FZD4: variants seen among roughly 807,000 people sequenced by gnomAD.
FZD4 encodes the protein frizzled class receptor 4, also known as frizzled-4.
FZD4 carries 16 observed loss-of-function variants against 37.3 expected under a neutral mutation model. The ratio of observed to expected loss-of-function variants is 0.43; its 90% CI spans 0.29 to 0.65. The LOEUF is 0.65. Among genes scored for constraint, FZD4 ranks in the 30% least tolerant of loss-of-function variants. The pLI is 0.16. For missense variants in FZD4, 599 were observed against 674.3 expected, an observed-to-expected ratio of 0.89 and a Z score of 1.24; for synonymous variants, 246 against 254.8, an observed-to-expected ratio of 0.97 and a Z score of 0.33.
chr11:86,954,969 G>T lies in FZD4; in HGVS notation c.117C>A (p.Asp39Glu). ...TGGGGTCGCAGCGCCGCTCTTCCTC[G>T]TCCCCGAAGCCCCGCGCCGGCCCCA... is the stretch of plus-strand genomic sequence containing the variant. ...LLLGPARGFG[D>E]EEERRCDPIR... The change falls in exon 1 of 2, where the codon GAC (aspartate) becomes GAA (glutamate). Residue 39 changes from aspartate to glutamate, a missense_variant. Coordinates refer to ENST00000531380, the MANE Select transcript of FZD4 (RefSeq NM_012193.4). 2 of 1,613,398 alleles carry T rather than the reference G, an allele frequency of 1.2e-6. No individual in the cohort carries two copies. Among genetic ancestry groups the T allele is most frequent in the South Asian group, 1.1e-5 (1 of 91,078 alleles).
chr11:86,952,624 A>G, intron 1 of FZD4, 154 bp from the exon 2 acceptor site: 1 of 728,000 alleles, frequency 1.4e-6, no homozygotes, highest in Non-Finnish European at 2.3e-6. Flanking sequence ...CTCTGACCTC[A>G]AACAAGGGCG....
chr11:86,950,006 T>C lies in FZD4; in HGVS notation c.*1136A>G, dbSNP rs1949276253. The C allele has an allele frequency of 6.6e-6, 1 of 152,266 alleles. No individual in the cohort carries two copies. Among genetic ancestry groups the C allele is most frequent in the Non-Finnish European group, 1.5e-5 (1 of 68,036 alleles). The allele number at this position is 152,266 out of a possible 1,614,324, so 9.4% of individuals were successfully genotyped here. A position where few individuals can be genotyped will look rare whatever the true frequency, so the allele number is the denominator to read the frequency against. On this transcript the variant is annotated 3_prime_UTR_variant, in exon 2 of 2. Transcript: ENST00000531380. ...CTTATGCTTTAAAAAATAAAAAAAT[T>C]TTTAAAGGCACTATCATTCTGAGAA...
rs1460293385 is a variant in FZD4, at chr11:86,949,300, A to C, written c.*1842T>G. 1 of 152,204 alleles carries C rather than the reference A, an allele frequency of 6.6e-6. No homozygotes were observed. Among genetic ancestry groups the C allele is most frequent in the Non-Finnish European group, 1.5e-5 (1 of 68,036 alleles). The allele number at this position is 152,204 out of a possible 1,614,324, so 9.4% of individuals were successfully genotyped here. On this transcript the variant is annotated 3_prime_UTR_variant, in exon 2 of 2. Transcript: ENST00000531380. ...AAGGGAAATGTCAAACTATGGGCAT[A>C]AGGCTCAAACCAAATTTTTAAAAAA...
At chr11:86,954,708 C>A (rs1478580343) in intron 1 of FZD4, 93 bp downstream of exon 1, 1 of 1,491,248 alleles carries the variant, frequency 6.7e-7, no homozygotes, top group Non-Finnish European at 8.9e-7. Context: ...CTCCTTCGGG[C>A]TAGGATGATC....
At position 86,952,022 on chromosome 11, in the gene FZD4, G is replaced by A; in HGVS notation, c.734C>T (p.Ser245Phe). ...AFTVLTFLID[S>F]SRFSYPERPI... ...GCGCTCAGGGTAGGAAAACCTAGAA[G>A]AATCGATCAGGAAGGTCAGTACTGT... The change falls in exon 2 of 2, where the codon TCT becomes TTT. Residue 245 changes from serine to phenylalanine, a missense_variant. Coordinates refer to ENST00000531380, the MANE Select transcript of FZD4 (RefSeq NM_012193.4). 6.2e-7 allele frequency: 1 copy of A among 1,614,058 alleles called. No individual in the cohort carries two copies. The highest frequency in any genetic ancestry group is 1.1e-5 in the South Asian group (1 of 91,076).
chr11:86,954,535 G>C, intron 1 of FZD4: 2 of 985,346 alleles, frequency 2.0e-6, no homozygotes, highest in Non-Finnish European at 2.4e-6. Context: ...GCTCCACTGG[G>C]GTTAGGGGTC....
At chr11:86,954,768 G>C in intron 1 of FZD4, 33 bp downstream of exon 1, 1 of 1,571,846 alleles carries the variant, frequency 6.4e-7, no homozygotes, top group Non-Finnish European at 8.6e-7. Flanking sequence ...CTCCCCAAGG[G>C]GTCCCGCCAG....
Position 86,950,811 on chromosome 11 carries a change from G to A in FZD4, c.*331C>T. ...CACAGCTCAAATCCCACCCTGCAGGGGAAAACAGTATCGCCCTGGACTTCC... is the reference window on the plus strand; with the variant it reads ...CACAGCTCAAATCCCACCCTGCAGGAGAAAACAGTATCGCCCTGGACTTCC... On this transcript the variant is annotated 3_prime_UTR_variant, in exon 2 of 2. Transcript: ENST00000531380. The A allele has an allele frequency of 2.5e-6, 1 of 392,516 alleles. No homozygotes were observed. Among genetic ancestry groups the A allele is most frequent in the Non-Finnish European group, 4.7e-6 (1 of 210,630 alleles). The allele number at this position is 392,516 out of a possible 1,614,324, so 24.3% of individuals were successfully genotyped here.
Position 86,945,861 on chromosome 11 carries a change from G to T in FZD4, c.*5281C>A, listed in dbSNP as rs1949238318. On this transcript the variant is annotated 3_prime_UTR_variant, in exon 2 of 2. Coordinates refer to ENST00000531380, the MANE Select transcript of FZD4 (RefSeq NM_012193.4). ...TCATTCAGGGCATGTGTAGCAGGAA[G>T]TTTGCCTGGTACCTCTTTGTCAAAC... 6.6e-6 allele frequency: 1 copy of T among 151,588 alleles called. No homozygotes were observed. Among genetic ancestry groups the T allele is most frequent in the Non-Finnish European group, 1.5e-5 (1 of 68,032 alleles). 9.4% of individuals were successfully genotyped at this position (151,588 alleles called of 1,614,324 possible). A position where few individuals can be genotyped will look rare whatever the true frequency, so the allele number is the denominator to read the frequency against.
At chr11:86,954,701 C>T (rs950843433) in intron 1 of FZD4, 100 bp downstream of exon 1, 7 of 1,460,226 alleles carry the variant, frequency 4.8e-6, no homozygotes, top group Non-Finnish European at 6.3e-6. Context: ...GAGCTGTCTC[C>T]TTCGGGCTAG....
rs1230190663 is a variant in FZD4, at chr11:86,955,086, G to A, written c.-1C>T. ...TCGGCCCTGCGCCCCGCCAGGCCAT[G>A]GCCAGCATCGGGGGTAGCAGCGGCA... On this transcript the variant is annotated 5_prime_UTR_variant, in exon 1 of 2. Coordinates refer to ENST00000531380, the MANE Select transcript of FZD4 (RefSeq NM_012193.4). The A allele has an allele frequency of 6.6e-7, 1 of 1,522,102 alleles. No individual in the cohort carries two copies. Among genetic ancestry groups the A allele is most frequent in the Admixed American group, 2.1e-5 (1 of 47,114 alleles). 94.3% of individuals were successfully genotyped at this position (1,522,102 alleles called of 1,614,324 possible).
rs1429919102 is a variant in FZD4 at position 86,950,797 on chromosome 11, TC to T, written c.*344del. 3 of 359,362 alleles carry T rather than the reference TC, an allele frequency of 8.3e-6. No homozygotes were observed. Among genetic ancestry groups the T allele is most frequent in the African/African-American group, 4.1e-5 (2 of 48,566 alleles). 22.3% of individuals were successfully genotyped at this position (359,362 alleles called of 1,614,324 possible). Reference sequence around the variant, plus strand: ...GCTAGTTACCAACTCACAGCTCAAATCCCACCCTGCAGGGGAAAACAGTATC... The same window carrying T: ...GCTAGTTACCAACTCACAGCTCAAATCCACCCTGCAGGGGAAAACAGTATC... On this transcript the variant is annotated 3_prime_UTR_variant, in exon 2 of 2. Transcript: ENST00000531380.
In FZD4 at chr11:86,952,116, A is replaced by G. The variant is rs1949298516; in HGVS notation, c.640T>C (p.Ser214Pro). The G allele has an allele frequency of 6.2e-7, 1 of 1,613,900 alleles. No homozygotes were observed. Among genetic ancestry groups the G allele is most frequent in the African/African-American group, 1.3e-5 (1 of 74,922 alleles). The change falls in exon 2 of 2, where the codon TCA (serine) becomes CCA (proline). Residue 214 changes from serine (S) to proline (P), a missense_variant. Around this residue, in one of 3 missense-constraint regions of FZD4, gnomAD observed 357 missense variants for 396.1 expected, o/e 0.90. Coordinates refer to ENST00000531380, the MANE Select transcript of FZD4 (RefSeq NM_012193.4). ...CAGATATCAGTGAACTCCTTGGCTG[A>G]GCGGCTGTATAAGCCAGCATCATAG... ...CGYDAGLYSR[S>P]AKEFTDIWMA...
chr11:86,954,985 G>A lies in FZD4; in HGVS notation c.101C>T (p.Ala34Val), dbSNP rs1949324110. 8.1e-6 allele frequency: 13 copies of A among 1,612,692 alleles called. No individual in the cohort carries two copies. The East Asian group carries it at 2.5e-4, about 30-fold the overall frequency. The change falls in exon 1 of 2, where the codon GCG becomes GTG. Residue 34 changes from alanine to valine, a missense_variant. Coordinates refer to ENST00000531380, the MANE Select transcript of FZD4 (RefSeq NM_012193.4). Reference protein sequence around the residue: ...LLQLLLLLGPARGFGDEEERR... With the variant: ...LLQLLLLLGPVRGFGDEEERR... ...CTCTTCCTCGTCCCCGAAGCCCCGC[G>A]CCGGCCCCAGGAGCAGCAGCAACTG...
Position 86,951,261 on chromosome 11 carries a change from T to C in FZD4, c.1495A>G (p.Lys499Glu). The C allele has an allele frequency of 1.9e-6, 3 of 1,614,242 alleles. No homozygotes were observed. The highest frequency in any genetic ancestry group is 2.5e-6 in the Non-Finnish European group (3 of 1,180,038). Residue 499 changes from lysine to glutamate, a missense_variant, in exon 2 of 2, where the codon AAA becomes GAA. By Grantham distance (56) the Lys-to-Glu change is moderately conservative. This residue lies in a region of FZD4 where 203 missense variants were observed against 196.8 expected (regional missense o/e 1.03). Transcript: ENST00000531380. ...ITSGMWIWSAKTLHTWQKCSN... is the reference protein window; with the variant it reads ...ITSGMWIWSAETLHTWQKCSN... ...CACTTCTGCCACGTGTGAAGAGTTT[T>C]GGCAGACCAAATCCACATGCCTGAA...
Position 86,951,676 on chromosome 11 carries a change from A to G in FZD4, c.1080T>C (p.Ile360=). 1 of 1,614,182 alleles carries G rather than the reference A, an allele frequency of 6.2e-7. No homozygotes were observed. Residue 360 remains isoleucine (I), a synonymous_variant, in exon 2 of 2, where the codon ATT becomes ATC. Coordinates refer to ENST00000531380, the MANE Select transcript of FZD4 (RefSeq NM_012193.4). ...AAWAIPAVKT[I]VILIMRLVDA... is the part of the protein sequence containing the mutation. ...CCACCAGTCTCATAATCAAGATGAC[A>G]ATGGTTTTCACTGCGGGGATGGCCC...
chr11:86,953,020 AG>A (rs1160007633), intron 1 of FZD4: 3 of 153,164 alleles, frequency 2.0e-5, no homozygotes, highest in African/African-American at 7.2e-5. Context: ...GTTAGACTCA[AG>A]GATGGGATGC....
chr11:86,955,082 C>T lies in FZD4; in HGVS notation c.4G>A (p.Ala2Thr). 1 of 1,533,272 alleles carries T rather than the reference C, an allele frequency of 6.5e-7. No homozygotes were observed. The highest frequency in any genetic ancestry group is 2.3e-5 in the East Asian group (1 of 42,966). 95.0% of individuals were successfully genotyped at this position (1,533,272 alleles called of 1,614,324 possible). A position where few individuals can be genotyped will look rare whatever the true frequency, so the allele number is the denominator to read the frequency against. The change falls in exon 1 of 2, where the codon GCC becomes ACC. Residue 2 changes from alanine to threonine, a missense_variant. This residue lies in a region of FZD4 where 357 missense variants were observed against 396.1 expected (regional missense o/e 0.90). Coordinates refer to ENST00000531380, the MANE Select transcript of FZD4 (RefSeq NM_012193.4). M[A>T]WRGAGPSVPG... Reference sequence around the variant, plus strand: ...ACGCTCGGCCCTGCGCCCCGCCAGGCCATGGCCAGCATCGGGGGTAGCAGC... The same window carrying T: ...ACGCTCGGCCCTGCGCCCCGCCAGGTCATGGCCAGCATCGGGGGTAGCAGC...
Position 86,955,147 on chromosome 11 carries a change from G to T in FZD4, c.-62C>A. On this transcript the variant is annotated 5_prime_UTR_variant, in exon 1 of 2. Coordinates refer to ENST00000531380, the MANE Select transcript of FZD4 (RefSeq NM_012193.4). ...CTGCTCTGGCAGACACCCCCAGTTTGCACGGGGGCGCCGGCTGCCCGCGCT... is the reference window on the plus strand; with the variant it reads ...CTGCTCTGGCAGACACCCCCAGTTTTCACGGGGGCGCCGGCTGCCCGCGCT... 7.9e-7 allele frequency: 1 copy of T among 1,272,808 alleles called. No homozygotes were observed. Among genetic ancestry groups the T allele is most frequent in the Non-Finnish European group, 1.0e-6 (1 of 977,294 alleles). 78.8% of individuals were successfully genotyped at this position (1,272,808 alleles called of 1,614,324 possible).
Sources: gnomAD v4.1 joint callset for allele counts on GRCh38, gnomAD v4.1.1 for gene constraint, gnomAD v4.1.1 regional missense constraint, MANE v1.5 for transcripts, NCBI Gene and HGNC (gene_info 2026-07-23, HGNC 2026-07-21) for gene names.